ALK: variants seen among roughly 807,000 people sequenced by gnomAD.
ALK encodes ALK receptor tyrosine kinase.
ALK carries 74 observed loss-of-function variants against 163.1 expected under a neutral mutation model. The observed-to-expected ratio is 0.45, with a 90% CI of 0.38 to 0.55. The LOEUF is 0.55. Among genes scored for constraint, ALK ranks in the 20% least tolerant of loss-of-function variants. The probability of loss-of-function intolerance (pLI) is 0.00; values close to 1 mark genes in which losing one functional copy is unlikely to be tolerated. For missense variants in ALK, 2,063 were observed against 2,105.3 expected, an observed-to-expected ratio of 0.98 and a Z score of 0.39; for synonymous variants, 960 against 843.2, an observed-to-expected ratio of 1.14 and a Z score of -2.40.
rs201386160 is a variant in ALK at position 29,200,809 on chromosome 2, G to A, written c.3939-3133C>T. Among the ~76,000 whole-genome samples the A allele has an allele frequency of 7.1e-3, 514 of 72,798 alleles. 3 individuals carry two copies. The highest frequency in any genetic ancestry group is 0.013 in the Non-Finnish European group (333 of 26,288). The allele number at this position is 72,798 out of a possible 152,430, so 47.8% of individuals were successfully genotyped here. ...TATATACATGTATACATATATATGTGTGTATATACATATATACGTATATAT... is the reference window on the plus strand; with the variant it reads ...TATATACATGTATACATATATATGTATGTATATACATATATACGTATATAT... On this transcript the variant is annotated intron_variant, in intron 26 of 28. Coordinates refer to ENST00000389048, the MANE Select transcript of ALK (RefSeq NM_004304.5).
At chr2:29,711,222 C>T (rs567671249) in intron 2 of ALK, among the ~76,000 whole-genome samples, 2 of 152,182 alleles carry the variant, frequency 1.3e-5, no homozygotes, top group Non-Finnish European at 2.9e-5. Flanking sequence ...CACCCCAGGT[C>T]CTCTACAACC....
At chr2:29,796,772 T>G (rs972893824) in intron 1 of ALK, among the ~76,000 whole-genome samples, 4 of 151,976 alleles carry the variant, frequency 2.6e-5, no homozygotes, top group Admixed American at 2.6e-4. Context: ...TAAAAGAAGC[T>G]CCGGTGTGGG....
At chr2:29,744,642 C>T (rs140719816) in intron 1 of ALK, among the ~76,000 whole-genome samples, 177 of 152,088 alleles carry the variant, frequency 1.2e-3, no homozygotes, top group African/African-American at 4.0e-3. Context: ...TCTCTGTCAC[C>T]CAGGCCAGAG....
At chr2:29,282,080 G>A (rs146201192) in intron 9 of ALK, among the ~76,000 whole-genome samples, 100 of 152,318 alleles carry the variant, frequency 6.6e-4, no homozygotes, top group Admixed American at 1.9e-3. Context: ...TGCCAGCTGG[G>A]CACCATGTCT....
chr2:29,454,321 A>G (rs1217573197), intron 4 of ALK, among the ~76,000 whole-genome samples: 1 of 152,204 alleles, frequency 6.6e-6, no homozygotes, highest in African/African-American at 2.4e-5. Flanking sequence ...ATATTTGCAT[A>G]TAACCTACAC....
chr2:29,368,605 A>G (rs903821831), intron 5 of ALK, among the ~76,000 whole-genome samples: 1 of 152,188 alleles, frequency 6.6e-6, no homozygotes, highest in African/African-American at 2.4e-5. Flanking sequence ...CTGATAGGGA[A>G]TATACCAGGT....
At chr2:29,790,418 G>C (rs149909841) in intron 1 of ALK, among the ~76,000 whole-genome samples, 103 of 152,280 alleles carry the variant, frequency 6.8e-4, no homozygotes, top group African/African-American at 2.2e-3. Context: ...GTATACACCA[G>C]AAGATTCCTT....
At chr2:29,661,974 A>G (rs367888656) in intron 3 of ALK, among the ~76,000 whole-genome samples, 7 of 152,212 alleles carry the variant, frequency 4.6e-5, no homozygotes, top group African/African-American at 1.7e-4. Flanking sequence ...CAGCGGTGTC[A>G]TCTCAGCTCA....
chr2:29,377,347 C>A (rs191620267), intron 5 of ALK, among the ~76,000 whole-genome samples: 3 of 151,978 alleles, frequency 2.0e-5, no homozygotes, highest in African/African-American at 7.3e-5. Flanking sequence ...TGGTGGCTTG[C>A]GCCTGTAATC....
chr2:29,715,620 G>A (rs958589927), intron 2 of ALK, among the ~76,000 whole-genome samples: 2 of 152,156 alleles, frequency 1.3e-5, no homozygotes, highest in African/African-American at 4.8e-5. Context: ...AGCATGGAGT[G>A]GGTAGATTTA....
intron 3 of ALK, among the ~76,000 whole-genome samples, chr2:29,678,704 ATTTAAT>A (rs1466531151): frequency 6.6e-6 from 1 of 151,294 alleles, no homozygotes; most frequent in African/African-American, 2.4e-5. Context: ...TTAAATTTAA[ATTTAAT>A]TTTAATTTTA....
chr2:29,781,995 T>C (rs940703431), intron 1 of ALK, among the ~76,000 whole-genome samples: 1 of 152,154 alleles, frequency 6.6e-6, no homozygotes, highest in Non-Finnish European at 1.5e-5. Flanking sequence ...AGTAGGGAAG[T>C]ATAGCAGGAT....
At chr2:29,345,013 TG>T (rs1667903895) in intron 5 of ALK, among the ~76,000 whole-genome samples, 1 of 152,230 alleles carries the variant, frequency 6.6e-6, no homozygotes. Flanking sequence ...AAAGCTATTT[TG>T]GTTTTTGCCA....
At chr2:29,322,361 G>A (rs953268749) in intron 6 of ALK, among the ~76,000 whole-genome samples, 3 of 151,706 alleles carry the variant, frequency 2.0e-5, no homozygotes, top group African/African-American at 7.3e-5. Flanking sequence ...ATACCCCCCT[G>A]AAGAAATAAT....
chr2:29,763,502 A>T (rs1419919968), intron 1 of ALK, among the ~76,000 whole-genome samples: 1 of 152,164 alleles, frequency 6.6e-6, no homozygotes, highest in Non-Finnish European at 1.5e-5. Context: ...GACAGTTAAT[A>T]AAAATAACGA....
intron 11 of ALK, among the ~76,000 whole-genome samples, chr2:29,263,424 G>C (rs906666272): frequency 6.6e-6 from 1 of 152,168 alleles, no homozygotes; most frequent in Non-Finnish European, 1.5e-5. Flanking sequence ...CGACAGATGA[G>C]CAGACGGAGG....
At position 29,742,958 on chromosome 2, in the gene ALK, G is replaced by A. The variant is rs376361015; in HGVS notation, c.668-25261C>T. On this transcript the variant is annotated intron_variant, in intron 1 of 28. Coordinates refer to ENST00000389048, the MANE Select transcript of ALK (RefSeq NM_004304.5). The stretch of plus-strand genomic sequence containing the variant: ...CAAACACTTCTTGTACTTTGGCAAC[G>A]TCTCAGCCAAATATCACAATAATGG... Among the ~76,000 whole-genome samples the A allele has an allele frequency of 7.9e-5, 12 of 152,242 alleles. No homozygotes were observed. The East Asian group carries it at 2.3e-3, about 29-fold the overall frequency.
chr2:29,673,662 C>T (rs1252003283), intron 3 of ALK, among the ~76,000 whole-genome samples: 4 of 150,980 alleles, frequency 2.6e-5, no homozygotes, highest in Admixed American at 1.3e-4. Context: ...GAAATGCGGG[C>T]TCTTTTTTGG....
At chr2:29,288,287 G>T (rs551027386) in intron 9 of ALK, among the ~76,000 whole-genome samples, 3 of 152,260 alleles carry the variant, frequency 2.0e-5, no homozygotes, top group African/African-American at 4.8e-5. Context: ...TCATTGACCG[G>T]GTTTCTGTCA....
Sources: allele counts gnomAD v4.1 joint callset (sites outside exome capture counted in the v4.1 genomes callset), GRCh38; gene constraint gnomAD v4.1.1; transcripts MANE v1.5; gene names NCBI Gene and HGNC (gene_info 2026-07-23, HGNC 2026-07-21).